Variants in ANAPC16 observed in about 807,000 individuals in gnomAD.
ANAPC16 encodes anaphase-promoting complex subunit 16.
Under a neutral mutation model 13.1 loss-of-function variants are expected in ANAPC16, and 6 were observed. That is an observed-to-expected ratio of 0.46 (90% confidence interval 0.25 to 0.90). The LOEUF is 0.90. ANAPC16 is among the 40% of genes least tolerant of loss of function. ANAPC16 has a pLI of 0.18. For missense variants in ANAPC16, 113 were observed against 131.1 expected (o/e 0.86, Z 0.67); for synonymous variants, 55 against 51.3 (o/e 1.07, Z -0.31).
intron 3 of ANAPC16, among the ~76,000 whole-genome samples, chr10:72,231,007 T>A (rs1860281053): frequency 6.6e-6 from 1 of 152,238 alleles, no homozygotes; most frequent in African/African-American, 2.4e-5. Context: ...CATCATCATC[T>A]TCAAGTATTT....
chr10:72,228,160 T>G (rs1381081550), intron 2 of ANAPC16, among the ~76,000 whole-genome samples: 1 of 152,244 alleles, frequency 6.6e-6, no homozygotes, highest in East Asian at 1.9e-4. Flanking sequence ...TGTTACATCC[T>G]TGTGAGTCTA....
intron 1 of ANAPC16, among the ~76,000 whole-genome samples, chr10:72,221,131 G>A (rs553703477): frequency 1.7e-4 from 26 of 152,258 alleles, no homozygotes; most frequent in African/African-American, 5.5e-4. Flanking sequence ...TACCAGGCTA[G>A]TCTTGAACTC....
At position 72,235,084 on chromosome 10, in the gene ANAPC16, G is replaced by A. The variant is rs1860432016; in HGVS notation, c.*1968G>A. The A allele has an allele frequency of 6.6e-6, 1 of 152,142 alleles. No individual in the cohort carries two copies. The highest frequency in any genetic ancestry group is 2.4e-5 in the African/African-American group (1 of 41,360). 9.4% of individuals were successfully genotyped at this position (152,142 alleles called of 1,614,324 possible). On this transcript the variant is annotated 3_prime_UTR_variant, in exon 4 of 4. Coordinates refer to ENST00000299381, the MANE Select transcript of ANAPC16 (RefSeq NM_173473.4). ...GAGAATCGCTTAAACCCAGGAGGCG[G>A]AGGTTGCAGTGAGCTGAGATCACAC...
chr10:72,232,684 AC>A (rs1054979191), intron 3 of ANAPC16, among the ~76,000 whole-genome samples: 12 of 147,508 alleles, frequency 8.1e-5, no homozygotes, highest in Non-Finnish European at 1.6e-4. Context: ...GCTCACTGCA[AC>A]CTCTGCCTCC....
intron 1 of ANAPC16, among the ~76,000 whole-genome samples, chr10:72,222,276 G>A (rs945815800): frequency 2.6e-5 from 4 of 151,356 alleles, no homozygotes; most frequent in Non-Finnish European, 4.4e-5. Flanking sequence ...AAATTAGCTG[G>A]GCGTGGTGGC....
intron 1 of ANAPC16, among the ~76,000 whole-genome samples, chr10:72,218,166 ATATATATATATAT>A (rs1218809351): frequency 7.4e-4 from 15 of 20,340 alleles, no homozygotes; most frequent in East Asian, 2.2e-3. Flanking sequence ...AAAAAAAAAA[ATATATATATATAT>A]ATATATATAT....
chr10:72,231,627 G>T (rs1203565786), intron 3 of ANAPC16, among the ~76,000 whole-genome samples: 1 of 152,140 alleles, frequency 6.6e-6, no homozygotes, highest in East Asian at 1.9e-4. Flanking sequence ...CATGATCGCG[G>T]CTCACTGCAA....
chr10:72,218,481 A>G (rs561817589), intron 1 of ANAPC16, among the ~76,000 whole-genome samples: 2 of 152,084 alleles, frequency 1.3e-5, no homozygotes, highest in Non-Finnish European at 2.9e-5. Flanking sequence ...AAAATGTCAC[A>G]GCAGATAAGC....
intron 2 of ANAPC16, among the ~76,000 whole-genome samples, chr10:72,226,677 A>G (rs1860131847): frequency 6.6e-6 from 1 of 152,058 alleles, no homozygotes; most frequent in African/African-American, 2.4e-5. Flanking sequence ...TCAAAAAAAA[A>G]AAAAGAAAAG....
chr10:72,221,196 G>A (rs1057178524), intron 1 of ANAPC16, among the ~76,000 whole-genome samples: 5 of 152,284 alleles, frequency 3.3e-5, no homozygotes, highest in Middle Eastern at 3.4e-3. Context: ...CATTACAGGC[G>A]TTAGCCACCA....
chr10:72,234,105 C>G lies in ANAPC16; in HGVS notation c.*989C>G, dbSNP rs1465471776. Reference sequence around the variant, plus strand: ...CACTGCAACATCCACCTCCCAGGTTCAAGCAATTCTCCTGCCTCAGCCTCC... The same window carrying G: ...CACTGCAACATCCACCTCCCAGGTTGAAGCAATTCTCCTGCCTCAGCCTCC... On this transcript the variant is annotated 3_prime_UTR_variant, in exon 4 of 4. Coordinates refer to ENST00000299381, the MANE Select transcript of ANAPC16 (RefSeq NM_173473.4). The G allele has an allele frequency of 1.3e-5, 2 of 151,732 alleles. No individual in the cohort carries two copies. Among genetic ancestry groups the G allele is most frequent in the South Asian group, 4.2e-4 (2 of 4,812 alleles). 9.4% of individuals were successfully genotyped at this position (151,732 alleles called of 1,614,324 possible).
intron 1 of ANAPC16, 113 bp from the exon 2 acceptor site, chr10:72,223,775 A>G (rs1860028064): frequency 1.8e-5 from 14 of 790,402 alleles, no homozygotes; most frequent in Non-Finnish European, 2.6e-5. Context: ...GCATAGAAAA[A>G]AGGGGAGCTA....
At chr10:72,218,233 A>G (rs1368923072) in intron 1 of ANAPC16, among the ~76,000 whole-genome samples, 1 of 121,338 alleles carries the variant, frequency 8.2e-6, no homozygotes, top group African/African-American at 3.2e-5. Flanking sequence ...GGAGGTTGCA[A>G]TTTTTTACAT....
chr10:72,233,137 C>T lies in ANAPC16; in HGVS notation c.*21C>T. On this transcript the variant is annotated 3_prime_UTR_variant, in exon 4 of 4. Coordinates refer to ENST00000299381, the MANE Select transcript of ANAPC16 (RefSeq NM_173473.4). ...GTTGATACTGCCTGGATGGTCACCTCTGGTGCGCAGCAAGTGCAAAGCCAG... is the reference window on the plus strand; with the variant it reads ...GTTGATACTGCCTGGATGGTCACCTTTGGTGCGCAGCAAGTGCAAAGCCAG... 3 of 1,601,318 alleles carry T rather than the reference C, an allele frequency of 1.9e-6. No individual in the cohort carries two copies. The highest frequency in any genetic ancestry group is 2.7e-5 in the African/African-American group (2 of 74,736).
At chr10:72,229,013 G>A (rs1450567176) in intron 2 of ANAPC16, among the ~76,000 whole-genome samples, 1 of 151,844 alleles carries the variant, frequency 6.6e-6, no homozygotes, top group Non-Finnish European at 1.5e-5. Context: ...CATCTGGGAG[G>A]TAAACTCTAA....
intron 1 of ANAPC16, among the ~76,000 whole-genome samples, chr10:72,218,420 T>C (rs1274518515): frequency 6.6e-6 from 1 of 151,898 alleles, no homozygotes; most frequent in Non-Finnish European, 1.5e-5. Flanking sequence ...TTACCCATTA[T>C]GCTGCTTTAC....
chr10:72,229,375 G>A (rs1860227405), intron 2 of ANAPC16, among the ~76,000 whole-genome samples: 1 of 150,786 alleles, frequency 6.6e-6, no homozygotes, highest in South Asian at 2.1e-4. Flanking sequence ...TCCTTTGTGT[G>A]AAACTCAGCA....
intron 2 of ANAPC16, among the ~76,000 whole-genome samples, 193 bp downstream of exon 2, chr10:72,224,249 A>G (rs1277326685): frequency 6.6e-6 from 1 of 152,148 alleles, no homozygotes; most frequent in Non-Finnish European, 1.5e-5. Context: ...GCTGAAAAGG[A>G]CTTTGGAAAT....
rs1336572322 is a variant in ANAPC16 at position 72,222,709 on chromosome 10, G to A, written c.-27-1179G>A. ...GGAGAATCGCTTGAACCTAGGAGACGGAGGTTGCGGTGAGCCGATATCATG... is the reference window on the plus strand; with the variant it reads ...GGAGAATCGCTTGAACCTAGGAGACAGAGGTTGCGGTGAGCCGATATCATG... On this transcript the variant is annotated intron_variant, in intron 1 of 3. Coordinates refer to ENST00000299381, the MANE Select transcript of ANAPC16 (RefSeq NM_173473.4). Among the ~76,000 whole-genome samples the A allele has an allele frequency of 3.9e-5, 6 of 152,298 alleles. No individual in the cohort carries two copies. The East Asian group carries it at 5.8e-4, about 15-fold the overall frequency.
Sources: gnomAD v4.1 joint callset for allele counts (sites outside exome capture counted in the v4.1 genomes callset) on GRCh38, gnomAD v4.1.1 for gene constraint, MANE v1.5 for transcripts, NCBI Gene and HGNC (gene_info 2026-07-23, HGNC 2026-07-21) for gene names.